The following PHKG2 variants were observed in gnomAD, a reference collection of about 807,000 sequenced individuals.
PHKG2 encodes the protein phosphorylase b kinase gamma catalytic chain, liver/testis isoform.
Under a neutral mutation model 44.5 loss-of-function variants are expected in PHKG2, and 28 were observed. The ratio of observed to expected loss-of-function variants is 0.63; its 90% CI spans 0.47 to 0.86. The LOEUF (loss-of-function observed/expected upper bound fraction) is 0.86, where lower values mean the gene tolerates loss of function less well. PHKG2 is among the 40% of genes least tolerant of loss of function. The pLI, the probability that PHKG2 is intolerant of heterozygous loss-of-function variation, is 0.00. For missense variants in PHKG2, 498 were observed against 547.5 expected (o/e 0.91, Z 0.90); for synonymous variants, 220 against 211.2 (o/e 1.04, Z -0.36).
chr16:30,757,451 C>G lies in PHKG2; in HGVS notation c.*354C>G. 6.2e-7 allele frequency: 1 copy of G among 1,605,086 alleles called. No homozygotes were observed. Among genetic ancestry groups the G allele is most frequent in the Non-Finnish European group, 8.5e-7 (1 of 1,174,512 alleles). On this transcript the variant is annotated 3_prime_UTR_variant, in exon 10 of 10. Transcript: ENST00000563588. Reference sequence around the variant, plus strand: ...AGGGATGGTGCCATTCTGGCCCAGACCTTTATTGGGGAAAATGTTGGGGGT... The same window carrying G: ...AGGGATGGTGCCATTCTGGCCCAGAGCTTTATTGGGGAAAATGTTGGGGGT...
chr16:30,751,424 T>C (rs1402664834), intron 3 of PHKG2, 125 bp from the exon 4 acceptor site: 16 of 1,273,206 alleles, frequency 1.3e-5, no homozygotes, highest in Non-Finnish European at 1.3e-5. Flanking sequence ...GGGCGCCCAC[T>C]GCCTCCTCTG....
rs1018340647 is a variant in PHKG2 at position 30,761,055 on chromosome 16, C to G, written c.*3958C>G. Reference sequence around the variant, plus strand: ...CTTTGGACTGGAGAGGCTGGAAAGCCAACTTCCAGTCACCTGGAGTAATTG... The same window carrying G: ...CTTTGGACTGGAGAGGCTGGAAAGCGAACTTCCAGTCACCTGGAGTAATTG... On this transcript the variant is annotated 3_prime_UTR_variant, in exon 10 of 10. Coordinates refer to ENST00000563588, the MANE Select transcript of PHKG2 (RefSeq NM_000294.3). 2 of 954,586 alleles carry G rather than the reference C, an allele frequency of 2.1e-6. No homozygotes were observed. Among genetic ancestry groups the G allele is most frequent in the Non-Finnish European group, 3.1e-6 (2 of 644,420 alleles). The allele number at this position is 954,586 out of a possible 1,614,324, so 59.1% of individuals were successfully genotyped here.
In PHKG2 at chr16:30,760,801, T is replaced by C. The variant is rs149984900; in HGVS notation, c.*3704T>C. The C allele has an allele frequency of 0.011, 8,228 of 775,158 alleles. 62 individuals carry two copies. The highest frequency in any genetic ancestry group is 0.015 in the Non-Finnish European group (7,033 of 454,646). 48.0% of individuals were successfully genotyped at this position (775,158 alleles called of 1,614,324 possible). On this transcript the variant is annotated 3_prime_UTR_variant, in exon 10 of 10. Coordinates refer to ENST00000563588, the MANE Select transcript of PHKG2 (RefSeq NM_000294.3). ...CTTTTGCCAGCTTGCTGTGTGACTA[T>C]GCAAATCGTTAACTCTCTGGGCCTA... is the stretch of plus-strand genomic sequence containing the variant.
chr16:30,751,046 A>G (rs1398447929), intron 2 of PHKG2, 60 bp from the exon 3 acceptor site: 22 of 1,559,568 alleles, frequency 1.4e-5, no homozygotes, highest in Non-Finnish European at 1.8e-5. Context: ...CTGAGGCCCC[A>G]GCCTGTGCGG....
In PHKG2 at chr16:30,759,056, T is replaced by G. The variant is rs1218180904; in HGVS notation, c.*1959T>G. On this transcript the variant is annotated 3_prime_UTR_variant, in exon 10 of 10. Coordinates refer to ENST00000563588, the MANE Select transcript of PHKG2 (RefSeq NM_000294.3). ...GGCCACTGTCTCTAGTTCCTCTTTC[T>G]GCGGGGTAACTGCCTGCTCCTCCAT... 1.9e-6 allele frequency: 3 copies of G among 1,614,242 alleles called. No individual in the cohort carries two copies. The Admixed American group carries it at 5.0e-5, about 27-fold the overall frequency.
At chr16:30,749,672 A>C (rs1374384453) in intron 2 of PHKG2, among the ~76,000 whole-genome samples, 1 of 152,206 alleles carries the variant, frequency 6.6e-6, no homozygotes, top group African/African-American at 2.4e-5. Flanking sequence ...GGGAAGAATC[A>C]GTGATCAGTG....
rs567237520 is a variant in PHKG2 at position 30,758,434 on chromosome 16, G to GT, written c.*1338dup. ...CGAGCAGAACATGCAGGTTTGCTAC[G>GT]TAGGTATACATGGGCCATGGTGGTT... On this transcript the variant is annotated 3_prime_UTR_variant, in exon 10 of 10. Transcript: ENST00000563588. 362 of 157,278 alleles carry GT rather than the reference G, an allele frequency of 2.3e-3. 1 individual carries two copies. The highest frequency in any genetic ancestry group is 3.7e-3 in the Non-Finnish European group (260 of 71,006). The allele number at this position is 157,278 out of a possible 1,614,324, so 9.7% of individuals were successfully genotyped here.
chr16:30,758,967 A>G lies in PHKG2; in HGVS notation c.*1870A>G, dbSNP rs747146679. 8 of 1,611,624 alleles carry G rather than the reference A, an allele frequency of 5.0e-6. No homozygotes were observed. The Admixed American group carries it at 1.3e-4, about 27-fold the overall frequency. ...ATGTCATCCAAACCCTTCATTCTAC[A>G]CCTGCTCAGAGGGACAGGGCAGCCT... On this transcript the variant is annotated 3_prime_UTR_variant, in exon 10 of 10. Transcript: ENST00000563588.
At chr16:30,751,399 G>A in intron 3 of PHKG2, 118 bp downstream of exon 3, 1 of 1,328,466 alleles carries the variant, frequency 7.5e-7, no homozygotes, top group Admixed American at 1.7e-5. Context: ...TTCCACTAAA[G>A]AGTGGCCATC....
Position 30,760,144 on chromosome 16 carries a change from T to C in PHKG2, c.*3047T>C. 1 of 1,570,426 alleles carries C rather than the reference T, an allele frequency of 6.4e-7. No homozygotes were observed. The highest frequency in any genetic ancestry group is 8.6e-7 in the Non-Finnish European group (1 of 1,164,876). The stretch of plus-strand genomic sequence containing the variant: ...ATAAGGAAGCAGTGGATTGGAAAGC[T>C]GATGGCTTGTGTATGATGATGCTAC... On this transcript the variant is annotated 3_prime_UTR_variant, in exon 10 of 10. Transcript: ENST00000563588.
At position 30,757,021 on chromosome 16, in the gene PHKG2, T is replaced by C; in HGVS notation, c.1145T>C (p.Phe382Ser). 1 of 1,612,492 alleles carries C rather than the reference T, an allele frequency of 6.2e-7. No individual in the cohort carries two copies. Among genetic ancestry groups the C allele is most frequent in the Non-Finnish European group, 8.5e-7 (1 of 1,180,024 alleles). Residue 382 changes from phenylalanine (F) to serine (S), a missense_variant, in exon 10 of 10, where the codon TTT (phenylalanine) becomes TCT (serine). Physicochemically the swap from Phe to Ser is radical, Grantham distance 155. Transcript: ENST00000563588. ...TTTCAGCACCGGCCCCCTGGGCCTT[T>C]TCCCATCATGGGCCCTGAAGAGGAG... ...ALFQHRPPGP[F>S]PIMGPEEEGD...
At chr16:30,749,204 G>GGTGGT (rs1555466890) in intron 2 of PHKG2, among the ~76,000 whole-genome samples, 2 of 91,950 alleles carry the variant, frequency 2.2e-5, no homozygotes, top group South Asian at 4.2e-4. Flanking sequence ...TGCTGGTGGT[G>GGTGGT]GTGTGTGTGT....
intron 6 of PHKG2, among the ~76,000 whole-genome samples, chr16:30,755,957 A>G (rs1341318994): frequency 6.6e-6 from 1 of 152,192 alleles, no homozygotes; most frequent in African/African-American, 2.4e-5. Context: ...GGACCTTGAA[A>G]TCAATCCAAA....
In PHKG2 at chr16:30,759,218, C is replaced by T; in HGVS notation, c.*2121C>T. On this transcript the variant is annotated 3_prime_UTR_variant, in exon 10 of 10. Transcript: ENST00000563588. Reference sequence around the variant, plus strand: ...GCCACAGTTTGGGTGGCTGTAGCCCCATGTAAGTCAAAGACAGATCCAGCC... The same window carrying T: ...GCCACAGTTTGGGTGGCTGTAGCCCTATGTAAGTCAAAGACAGATCCAGCC... 2 of 1,614,200 alleles carry T rather than the reference C, an allele frequency of 1.2e-6. No homozygotes were observed. Among genetic ancestry groups the T allele is most frequent in the Non-Finnish European group, 8.5e-7 (1 of 1,180,050 alleles).
At position 30,757,293 on chromosome 16, in the gene PHKG2, G is replaced by T; in HGVS notation, c.*196G>T. 6.5e-7 allele frequency: 1 copy of T among 1,539,794 alleles called. No homozygotes were observed. The highest frequency in any genetic ancestry group is 1.2e-5 in the South Asian group (1 of 80,268). ...AGCTGGGGTGGAAGGGAGCCATTCT[G>T]AACGCCACGCCTGGCCCGGTCAGTG... On this transcript the variant is annotated 3_prime_UTR_variant, in exon 10 of 10. Coordinates refer to ENST00000563588, the MANE Select transcript of PHKG2 (RefSeq NM_000294.3).
At position 30,756,387 on chromosome 16, in the gene PHKG2, T is replaced by C; in HGVS notation, c.668T>C (p.Leu223Ser). 3.7e-6 allele frequency: 6 copies of C among 1,614,066 alleles called. No individual in the cohort carries two copies. Among genetic ancestry groups the C allele is most frequent in the Non-Finnish European group, 5.1e-6 (6 of 1,180,014 alleles). The change falls in exon 8 of 10, where the codon TTG becomes TCG. Residue 223 changes from leucine (L) to serine (S), a missense_variant. By Grantham distance (145) the Leu-to-Ser change is moderately radical. Transcript: ENST00000563588. The stretch of plus-strand genomic sequence containing the variant: ...CCCAGCTGGGCCTGTGGGGTGATCT[T>C]GTTCACACTCCTGGCTGGCTCGCCA... Reference protein sequence around the residue: ...EVDLWACGVILFTLLAGSPPF... With the variant: ...EVDLWACGVISFTLLAGSPPF...
At chr16:30,750,205 TA>T (rs1316312370) in intron 2 of PHKG2, among the ~76,000 whole-genome samples, 1 of 151,340 alleles carries the variant, frequency 6.6e-6, no homozygotes, top group Non-Finnish European at 1.5e-5. Flanking sequence ...CAGATTTGTG[TA>T]AAAAAATAAA....
In PHKG2 at chr16:30,757,419, A is replaced by G; in HGVS notation, c.*322A>G. On this transcript the variant is annotated 3_prime_UTR_variant, in exon 10 of 10. Coordinates refer to ENST00000563588, the MANE Select transcript of PHKG2 (RefSeq NM_000294.3). ...CAGGAAAGCCCAGAAGGTGCTCAGC[A>G]GGGTGCAGGGATGGTGCCATTCTGG... 1 of 1,570,214 alleles carries G rather than the reference A, an allele frequency of 6.4e-7. No individual in the cohort carries two copies. The highest frequency in any genetic ancestry group is 8.7e-7 in the Non-Finnish European group (1 of 1,155,860).
At chr16:30,753,344 G>C in intron 5 of PHKG2, 47 bp downstream of exon 5, 1 of 1,613,660 alleles carries the variant, frequency 6.2e-7, no homozygotes. Context: ...GGGTGGGACA[G>C]GGCAGGGAGG....
Sources: gnomAD v4.1 joint callset for allele counts (sites outside exome capture counted in the v4.1 genomes callset) on GRCh38, gnomAD v4.1.1 for gene constraint, MANE v1.5 for transcripts, NCBI Gene and HGNC (gene_info 2026-07-23, HGNC 2026-07-21) for gene names.